The following KCNT2 variants were observed in gnomAD, a reference collection of about 807,000 sequenced individuals.
KCNT2 encodes potassium sodium-activated channel subfamily T member 2, also known as potassium channel subfamily T member 2.
KCNT2 carries 67 observed loss-of-function variants against 153.8 expected under a neutral mutation model. The ratio of observed to expected loss-of-function variants is 0.44; its 90% CI spans 0.36 to 0.53. The LOEUF (loss-of-function observed/expected upper bound fraction) is 0.53. Among genes scored for constraint, KCNT2 ranks in the 20% least tolerant of loss-of-function variants. The pLI, the probability that KCNT2 is intolerant of heterozygous loss-of-function variation, is 0.00. For synonymous variants in KCNT2, 500 were observed against 458.8 expected, an observed-to-expected ratio of 1.09 and a Z score of -1.15; for missense variants, 975 against 1,354.8, an observed-to-expected ratio of 0.72 and a Z score of 4.40.
At chr1:196,412,825 A>G (rs1672451070) in intron 12 of KCNT2, among the ~76,000 whole-genome samples, 1 of 151,634 alleles carries the variant, frequency 6.6e-6, no homozygotes, top group South Asian at 2.1e-4. Flanking sequence ...TTCGACACTT[A>G]ATCAATAAAT....
intron 1 of KCNT2, among the ~76,000 whole-genome samples, chr1:196,550,393 G>T (rs1657738106): frequency 6.6e-6 from 1 of 151,796 alleles, no homozygotes; most frequent in Non-Finnish European, 1.5e-5. Flanking sequence ...ACAGAATGAA[G>T]ATTTCTTATT....
At chr1:196,422,910 A>G (rs1673330792) in intron 12 of KCNT2, 140 bp downstream of exon 12, 2 of 511,146 alleles carry the variant, frequency 3.9e-6, no homozygotes, top group Non-Finnish European at 7.1e-6. Flanking sequence ...TGGAAAAGAT[A>G]GCTCAGTAAT....
intron 1 of KCNT2, among the ~76,000 whole-genome samples, chr1:196,596,502 T>G (rs1261257538): frequency 6.6e-6 from 1 of 152,144 alleles, no homozygotes; most frequent in Non-Finnish European, 1.5e-5. Flanking sequence ...CATTTTTTCA[T>G]GTTTGCTGGC....
chr1:196,572,199 A>G (rs1572864930), intron 1 of KCNT2, among the ~76,000 whole-genome samples: 2 of 152,008 alleles, frequency 1.3e-5, no homozygotes, highest in Non-Finnish European at 2.9e-5. Flanking sequence ...CCAAAATTAA[A>G]CCTTGCCAGT....
chr1:196,304,587 C>A (rs747464924), intron 22 of KCNT2, among the ~76,000 whole-genome samples: 9 of 152,064 alleles, frequency 5.9e-5, no homozygotes, highest in African/African-American at 9.7e-5. Context: ...CAGTACACTA[C>A]TATTTAGTAG....
intron 1 of KCNT2, among the ~76,000 whole-genome samples, chr1:196,497,711 C>T (rs1256192568): frequency 2.6e-5 from 4 of 152,024 alleles, no homozygotes; most frequent in South Asian, 2.1e-4. Flanking sequence ...AAACCTATAT[C>T]GAACCTATCA....
chr1:196,533,222 C>G, intron 1 of KCNT2, among the ~76,000 whole-genome samples: 1 of 152,052 alleles, frequency 6.6e-6, no homozygotes, highest in East Asian at 1.9e-4. Context: ...GACAGAATGA[C>G]TAAGAGAAAG....
chr1:196,499,428 T>C (rs189605025), intron 1 of KCNT2, among the ~76,000 whole-genome samples: 37 of 152,364 alleles, frequency 2.4e-4, no homozygotes, highest in Admixed American at 7.8e-4. Context: ...TCCATGCTTA[T>C]ATCATGAGCA....
intron 1 of KCNT2, among the ~76,000 whole-genome samples, chr1:196,585,874 G>A (rs1179145812): frequency 6.6e-6 from 1 of 152,018 alleles, no homozygotes; most frequent in African/African-American, 2.4e-5. Context: ...TAGCCCATCA[G>A]TTACATTTTA....
Position 196,456,695 on chromosome 1 carries a change from T to C in KCNT2, c.638+8598A>G, listed in dbSNP as rs369156673. On this transcript the variant is annotated intron_variant, in intron 8 of 27. Transcript: ENST00000294725. ...TTTGACTTTGTTCATACCACTAGTG[T>C]TATACATGATTTTCCCAAAACATCA... is the stretch of plus-strand genomic sequence containing the variant. Among the ~76,000 whole-genome samples, 4 of 151,980 alleles carry C rather than the reference T, an allele frequency of 2.6e-5. No individual in the cohort carries two copies. The South Asian group carries it at 8.3e-4, about 31-fold the overall frequency.
At chr1:196,584,934 G>T (rs963220324) in intron 1 of KCNT2, among the ~76,000 whole-genome samples, 3 of 152,004 alleles carry the variant, frequency 2.0e-5, no homozygotes, top group African/African-American at 7.2e-5. Context: ...GATGAACTCC[G>T]AATGGAGAGG....
At chr1:196,528,006 T>C (rs1363008939) in intron 1 of KCNT2, among the ~76,000 whole-genome samples, 1 of 152,262 alleles carries the variant, frequency 6.6e-6, no homozygotes, top group Non-Finnish European at 1.5e-5. Flanking sequence ...AGTAATGGAA[T>C]GACAGCTATG....
chr1:196,316,183 A>G (rs1199587372), intron 20 of KCNT2, among the ~76,000 whole-genome samples, 157 bp from the exon 21 acceptor site: 1 of 151,834 alleles, frequency 6.6e-6, no homozygotes, highest in Admixed American at 6.6e-5. Context: ...GAATTATGAT[A>G]CAATATTATC....
At chr1:196,289,400 G>C (rs1052064399) in intron 22 of KCNT2, among the ~76,000 whole-genome samples, 2 of 152,018 alleles carry the variant, frequency 1.3e-5, no homozygotes, top group African/African-American at 4.8e-5. Flanking sequence ...TTCCAAGAGG[G>C]CAGAGACCAT....
At chr1:196,467,521 C>T (rs554740958) in intron 7 of KCNT2, among the ~76,000 whole-genome samples, 182 bp downstream of exon 7, 3 of 151,494 alleles carry the variant, frequency 2.0e-5, no homozygotes, top group African/African-American at 7.3e-5. Flanking sequence ...AAAAATGAAA[C>T]ATTTGGAAAT....
chr1:196,513,426 A>C (rs529370747), intron 1 of KCNT2, among the ~76,000 whole-genome samples: 1 of 152,348 alleles, frequency 6.6e-6, no homozygotes, highest in African/African-American at 2.4e-5. Context: ...AAAAAGGAAC[A>C]CATTTGTTAA....
intron 12 of KCNT2, among the ~76,000 whole-genome samples, chr1:196,406,197 C>A (rs1671816917): frequency 6.6e-6 from 1 of 151,342 alleles, no homozygotes; most frequent in African/African-American, 2.4e-5. Flanking sequence ...ATATCAAAAA[C>A]TGGAGGTAAT....
In KCNT2 at chr1:196,352,053, G is replaced by A. The variant is rs1230156255; in HGVS notation, c.1404-9825C>T. On this transcript the variant is annotated intron_variant, in intron 14 of 27. Transcript: ENST00000294725. ...ACCAGCCTTGCATCCCAGGGATGAAGCCCACTTGACCATGGTGGATAAGCT... is the reference window on the plus strand; with the variant it reads ...ACCAGCCTTGCATCCCAGGGATGAAACCCACTTGACCATGGTGGATAAGCT... Among the ~76,000 whole-genome samples the A allele has an allele frequency of 2.6e-5, 4 of 152,294 alleles. No individual in the cohort carries two copies. The East Asian group carries it at 5.8e-4, about 22-fold the overall frequency.
chr1:196,599,261 T>C (rs1413607839), intron 1 of KCNT2, among the ~76,000 whole-genome samples: 17 of 152,214 alleles, frequency 1.1e-4, no homozygotes, highest in Admixed American at 1.1e-3. Context: ...AATCTACAAG[T>C]TTTCCCACAG....
Sources: allele counts gnomAD v4.1 joint callset (sites outside exome capture counted in the v4.1 genomes callset), GRCh38; gene constraint gnomAD v4.1.1; transcripts MANE v1.5; gene names NCBI Gene and HGNC (gene_info 2026-07-23, HGNC 2026-07-21).